Variants in LRRC72 observed in about 807,000 individuals in gnomAD.
The protein encoded by LRRC72 is leucine-rich repeat-containing protein 72.
A neutral mutation model predicts 35.8 loss-of-function variants in LRRC72; 41 were observed. The ratio of observed to expected loss-of-function variants is 1.15; its 90% CI spans 0.89 to 1.49. The LOEUF (loss-of-function observed/expected upper bound fraction) is 1.49, where lower values mean the gene tolerates loss of function less well. Among genes scored for constraint, LRRC72 ranks in the 40% most tolerant of loss-of-function variants. The probability of loss-of-function intolerance (pLI) is 0.00; values close to 1 mark genes in which losing one functional copy is unlikely to be tolerated. For synonymous variants in LRRC72, 118 were observed against 119.2 expected (o/e 0.99, Z 0.07); for missense variants, 389 against 330.7 (o/e 1.18, Z -1.37).
chr7:16,568,443 T>G (rs1162805927), intron 7 of LRRC72, among the ~76,000 whole-genome samples: 1 of 152,018 alleles, frequency 6.6e-6, no homozygotes, highest in African/African-American at 2.4e-5. Context: ...GAATGCTAAA[T>G]GGAGAAAGAA....
chr7:16,559,370 G>T (rs1265621480), intron 5 of LRRC72, among the ~76,000 whole-genome samples: 3 of 151,750 alleles, frequency 2.0e-5, no homozygotes, highest in African/African-American at 7.3e-5. Flanking sequence ...CTCTATCCTG[G>T]GTAACAGAGC....
chr7:16,562,621 T>C (rs75591032), intron 5 of LRRC72, among the ~76,000 whole-genome samples: 9,063 of 152,272 alleles, frequency 0.06, 359 homozygotes, highest in East Asian at 0.14. Flanking sequence ...AAACACTTCC[T>C]GCCGTTGTCT....
At chr7:16,543,605 T>C (rs374960102) in intron 3 of LRRC72, among the ~76,000 whole-genome samples, 32 of 152,330 alleles carry the variant, frequency 2.1e-4, no homozygotes, top group African/African-American at 6.7e-4. Flanking sequence ...GATCCTGAAC[T>C]GTCTAAGCCA....
chr7:16,546,975 C>G (rs576760249), intron 3 of LRRC72, among the ~76,000 whole-genome samples: 1 of 152,180 alleles, frequency 6.6e-6, no homozygotes, highest in African/African-American at 2.4e-5. Flanking sequence ...ACAGTGGCAG[C>G]AGGAGCAGCT....
At chr7:16,547,537 G>A (rs751270257) in intron 3 of LRRC72, among the ~76,000 whole-genome samples, 10 of 152,248 alleles carry the variant, frequency 6.6e-5, no homozygotes, top group Admixed American at 2.6e-4. Context: ...CTGCACTCTC[G>A]GGGACCCAGG....
chr7:16,566,458 C>A (rs946738228), intron 6 of LRRC72, 56 bp downstream of exon 6: 2 of 1,197,928 alleles, frequency 1.7e-6, no homozygotes, highest in Non-Finnish European at 2.3e-6. Flanking sequence ...TATAGCTCAG[C>A]GGTTTAAAAA....
intron 7 of LRRC72, among the ~76,000 whole-genome samples, chr7:16,568,695 C>A (rs1782891800): frequency 6.6e-6 from 1 of 152,038 alleles, no homozygotes; most frequent in African/African-American, 2.4e-5. Flanking sequence ...TGAATCCAAA[C>A]ACAAAAAAGA....
intron 7 of LRRC72, among the ~76,000 whole-genome samples, chr7:16,573,080 G>C (rs1407971658): frequency 1.3e-5 from 2 of 152,014 alleles, no homozygotes; most frequent in African/African-American, 4.8e-5. Context: ...AAATACCTAG[G>C]AATACAAATT....
chr7:16,562,715 C>T (rs1040332262), intron 5 of LRRC72, among the ~76,000 whole-genome samples: 1 of 152,188 alleles, frequency 6.6e-6, no homozygotes, highest in Non-Finnish European at 1.5e-5. Context: ...ACTAGGATCT[C>T]CAGGGTCCCT....
At chr7:16,539,606 G>A (rs900601204) in intron 3 of LRRC72, among the ~76,000 whole-genome samples, 6 of 152,296 alleles carry the variant, frequency 3.9e-5, no homozygotes, top group East Asian at 1.9e-4. Flanking sequence ...CAAGACAATG[G>A]GGAGAATGTC....
At chr7:16,531,016 G>A (rs1782151754) in intron 1 of LRRC72, among the ~76,000 whole-genome samples, 1 of 151,904 alleles carries the variant, frequency 6.6e-6, no homozygotes, top group African/African-American at 2.4e-5. Context: ...GGCCAACATG[G>A]TGAAACCCCA....
chr7:16,560,646 G>A (rs892202669), intron 5 of LRRC72, among the ~76,000 whole-genome samples: 3 of 151,104 alleles, frequency 2.0e-5, no homozygotes, highest in African/African-American at 7.3e-5. Flanking sequence ...TGGGCTGATA[G>A]CTACCTCTCA....
At chr7:16,567,624 TAAC>T in intron 7 of LRRC72, 81 bp downstream of exon 7, 1 of 1,119,566 alleles carries the variant, frequency 8.9e-7, no homozygotes, top group Non-Finnish European at 1.2e-6. Context: ...ATTGTAATAA[TAAC>T]AACTACAATT....
At chr7:16,558,850 A>T (rs2128337348) in intron 4 of LRRC72, 39 bp from the exon 5 acceptor site, 1 of 1,253,440 alleles carries the variant, frequency 8.0e-7, no homozygotes, top group African/African-American at 1.5e-5. Flanking sequence ...AACTGAAAAA[A>T]ATGTTTAAAA....
chr7:16,578,425 G>A (rs1783081493), intron 7 of LRRC72, among the ~76,000 whole-genome samples: 1 of 152,200 alleles, frequency 6.6e-6, no homozygotes, highest in Non-Finnish European at 1.5e-5. Context: ...GTGAGGCAGA[G>A]GTTGCAGTGA....
intron 7 of LRRC72, among the ~76,000 whole-genome samples, chr7:16,577,641 G>A (rs1189713062): frequency 6.6e-6 from 1 of 152,092 alleles, no homozygotes; most frequent in South Asian, 2.1e-4. Flanking sequence ...ATGCAAAATT[G>A]GAGGAAGTCT....
chr7:16,547,409 A>G (rs1562742211), intron 3 of LRRC72, among the ~76,000 whole-genome samples: 1 of 152,098 alleles, frequency 6.6e-6, no homozygotes, highest in East Asian at 1.9e-4. Context: ...CAGCTGCCCA[A>G]GCCATGGCTG....
Position 16,581,444 on chromosome 7 carries a change from G to A in LRRC72, c.819G>A (p.Glu273=), listed in dbSNP as rs1783141033. The A allele has an allele frequency of 1.3e-6, 2 of 1,550,194 alleles. No homozygotes were observed. Among genetic ancestry groups the A allele is most frequent in the African/African-American group, 1.4e-5 (1 of 73,062 alleles). ...VPTREERYLE[E]EGTETAQMLT... ...CACGAGAGGAAAGGTACCTTGAAGA[G>A]GAAGGCACAGAAACAGCTCAAATGC... is the stretch of plus-strand genomic sequence containing the variant. Residue 273 remains glutamate, a synonymous_variant, in exon 9 of 9, where the codon GAG becomes GAA. Transcript: ENST00000401542.
intron 1 of LRRC72, 131 bp from the exon 2 acceptor site, chr7:16,532,364 A>T: frequency 1.6e-6 from 1 of 625,002 alleles, no homozygotes; most frequent in Non-Finnish European, 2.8e-6. Flanking sequence ...GGAATTTATC[A>T]GTTTAGAATG....
Sources: gnomAD v4.1 joint callset for allele counts (sites outside exome capture counted in the v4.1 genomes callset) on GRCh38, gnomAD v4.1.1 for gene constraint, MANE v1.5 for transcripts, NCBI Gene and HGNC (gene_info 2026-07-23, HGNC 2026-07-21) for gene names.